The following SORBS2 variants were observed in gnomAD, a reference collection of about 807,000 sequenced individuals.
SORBS2 encodes the protein sorbin and SH3 domain containing 2, also known as sorbin and SH3 domain-containing protein 2.
SORBS2 carries 46 observed loss-of-function variants against 97.7 expected under a neutral mutation model. The observed-to-expected ratio is 0.47, with a 90% CI of 0.37 to 0.60. The LOEUF is 0.60. SORBS2 is among the 20% of genes least tolerant of loss of function. The pLI, the probability that SORBS2 is intolerant of heterozygous loss-of-function variation, is 0.00. For synonymous variants in SORBS2, 476 were observed against 473.4 expected (o/e 1.01, Z -0.07); for missense variants, 1,316 against 1,282.3 (o/e 1.03, Z -0.40).
At chr4:185,902,389 A>G (rs923627839) in intron 1 of SORBS2, among the ~76,000 whole-genome samples, 7 of 152,178 alleles carry the variant, frequency 4.6e-5, no homozygotes, top group African/African-American at 1.4e-4. Context: ...TGGAAAGACC[A>G]TCTTTCAGAA....
chr4:185,877,160 C>T (rs2099234106), intron 1 of SORBS2, among the ~76,000 whole-genome samples: 1 of 152,122 alleles, frequency 6.6e-6, no homozygotes, highest in South Asian at 2.1e-4. Context: ...AAATAAACAG[C>T]AGCCATAATA....
At chr4:185,713,656 T>C (rs1203297334) in intron 2 of SORBS2, among the ~76,000 whole-genome samples, 2 of 152,208 alleles carry the variant, frequency 1.3e-5, no homozygotes, top group Admixed American at 6.5e-5. Flanking sequence ...CTTCACCACT[T>C]AGGCAAATGC....
intron 11 of SORBS2, among the ~76,000 whole-genome samples, chr4:185,614,036 T>A (rs760556568): frequency 6.6e-6 from 1 of 152,174 alleles, no homozygotes; most frequent in African/African-American, 2.4e-5. Flanking sequence ...GCCTGTGTTG[T>A]GTGCAGAGGC....
intron 13 of SORBS2, among the ~76,000 whole-genome samples, chr4:185,592,440 A>C (rs2095970060): frequency 6.6e-6 from 1 of 152,270 alleles, no homozygotes; most frequent in African/African-American, 2.4e-5. Context: ...AAACCTAAAC[A>C]GCCCTGGAAT....
chr4:185,866,975 T>C (rs1050914071), intron 1 of SORBS2, among the ~76,000 whole-genome samples: 2 of 152,180 alleles, frequency 1.3e-5, no homozygotes. Flanking sequence ...ACGCAATGTA[T>C]ACTAAAATAT....
intron 1 of SORBS2, among the ~76,000 whole-genome samples, chr4:185,839,665 A>G (rs1372555771): frequency 2.0e-5 from 3 of 152,334 alleles, no homozygotes; most frequent in Middle Eastern, 3.4e-3. Context: ...CTGTCTTCTG[A>G]GTCCTGTACA....
chr4:185,887,009 T>C (rs2099240010), intron 1 of SORBS2, among the ~76,000 whole-genome samples: 1 of 152,172 alleles, frequency 6.6e-6, no homozygotes, highest in African/African-American at 2.4e-5. Context: ...TCCAGCCAGT[T>C]TGAAGACAGA....
chr4:185,868,320 C>A (rs1354216023), intron 1 of SORBS2, among the ~76,000 whole-genome samples: 1 of 151,538 alleles, frequency 6.6e-6, no homozygotes, highest in South Asian at 2.1e-4. Context: ...CCATGCCCAG[C>A]TAATTTTTTG....
chr4:185,585,574 C>G (rs1319527753), exon 15 of SORBS2: 1 of 152,106 alleles, frequency 6.6e-6, no homozygotes, highest in African/African-American at 2.4e-5. Flanking sequence ...AACACAATGA[C>G]CTTTGCTTGT....
chr4:185,675,229 C>T (rs2097774310), intron 4 of SORBS2: 1 of 152,196 alleles, frequency 6.6e-6, no homozygotes, highest in Admixed American at 6.5e-5. Flanking sequence ...AAGAAGCAAA[C>T]CAGGTTGGAT....
intron 2 of SORBS2, among the ~76,000 whole-genome samples, chr4:185,708,792 G>A (rs2098383921): frequency 6.6e-6 from 1 of 152,124 alleles, no homozygotes; most frequent in African/African-American, 2.4e-5. Context: ...GCCCACAAAA[G>A]GTGGCTCTGA....
rs1200094039 is a variant in SORBS2, at chr4:185,694,706, C to CTTTTTTTTTTTTTTTTT, written c.-197-15885_-197-15884insAAAAAAAAAAAAAAAAA. Among the ~76,000 whole-genome samples the CTTTTTTTTTTTTTTTTT allele has an allele frequency of 8.2e-3, 1,018 of 123,950 alleles. 49 individuals are homozygous for CTTTTTTTTTTTTTTTTT. Among genetic ancestry groups the CTTTTTTTTTTTTTTTTT allele is most frequent in the East Asian group, 0.017 (65 of 3,768 alleles). The allele number at this position is 123,950 out of a possible 152,430, so 81.3% of individuals were successfully genotyped here. A position where few individuals can be genotyped will look rare whatever the true frequency, so the allele number is the denominator to read the frequency against. Reference sequence around the variant, plus strand: ...TTTCTTTTTCTTTTTCCTTTTCTTTCTTTTCTTTTCTTTTTTTTGAGACGG... The same window carrying CTTTTTTTTTTTTTTTTT: ...TTTCTTTTTCTTTTTCCTTTTCTTTCTTTTTTTTTTTTTTTTTTTTTCTTTTCTTTTTTTTGAGACGG... On this transcript the variant is annotated intron_variant, in intron 2 of 20. Coordinates refer to the SORBS2 transcript ENST00000284776.
chr4:185,865,973 T>G (rs773717000), intron 1 of SORBS2, among the ~76,000 whole-genome samples: 1 of 152,238 alleles, frequency 6.6e-6, no homozygotes, highest in Admixed American at 6.5e-5. Context: ...AACTAGGCTT[T>G]TTGCCATGGG....
chr4:185,628,538 G>T (rs983945236), intron 5 of SORBS2, among the ~76,000 whole-genome samples: 1 of 152,176 alleles, frequency 6.6e-6, no homozygotes, highest in Non-Finnish European at 1.5e-5. Context: ...GATGGCTCAA[G>T]GTCAGGAGTT....
At chr4:185,844,090 A>G (rs1217901805) in intron 1 of SORBS2, among the ~76,000 whole-genome samples, 1 of 152,216 alleles carries the variant, frequency 6.6e-6, no homozygotes, top group Non-Finnish European at 1.5e-5. Flanking sequence ...CACACCTTCA[A>G]CACAAGTGCT....
At chr4:185,919,972 T>C (rs1313370409) in intron 1 of SORBS2, among the ~76,000 whole-genome samples, 3 of 152,250 alleles carry the variant, frequency 2.0e-5, no homozygotes, top group Non-Finnish European at 4.4e-5. Context: ...TAGTATGCCA[T>C]CTTTCTTATT....
intron 2 of SORBS2, among the ~76,000 whole-genome samples, chr4:185,730,258 A>AAACC (rs2098605356): frequency 6.6e-6 from 1 of 152,076 alleles, no homozygotes; most frequent in Admixed American, 6.5e-5. Flanking sequence ...TACAAGGTAC[A>AAACC]AACCAGGAAA....
intron 1 of SORBS2, among the ~76,000 whole-genome samples, chr4:185,883,468 G>T (rs2099237847): frequency 6.6e-6 from 1 of 152,156 alleles, no homozygotes; most frequent in Non-Finnish European, 1.5e-5. Flanking sequence ...GAAACAATTT[G>T]CCAGTTCCTT....
intron 1 of SORBS2, among the ~76,000 whole-genome samples, chr4:185,864,267 T>C (rs909082759): frequency 1.3e-5 from 2 of 152,174 alleles, no homozygotes; most frequent in Admixed American, 6.5e-5. Flanking sequence ...AAGCAAAGAA[T>C]ATCACATTGA....
Sources: gnomAD v4.1 joint callset for allele counts (sites outside exome capture counted in the v4.1 genomes callset) on GRCh38, gnomAD v4.1.1 for gene constraint, MANE v1.5 for transcripts, NCBI Gene and HGNC (gene_info 2026-07-23, HGNC 2026-07-21) for gene names.